The following PIK3R1 variants were observed in gnomAD, a reference collection of about 807,000 sequenced individuals.
PIK3R1 encodes phosphoinositide-3-kinase regulatory subunit 1.
In PIK3R1, 29 loss-of-function variants were observed where a neutral mutation model predicts 98.0. The observed-to-expected ratio is 0.30, with a 90% CI of 0.22 to 0.40. The LOEUF (loss-of-function observed/expected upper bound fraction) is 0.40. Ranked by LOEUF, PIK3R1 falls within the 10% of genes least tolerant of loss-of-function variation. PIK3R1 has a pLI of 1.00. For synonymous variants in PIK3R1, 282 were observed against 311.8 expected (o/e 0.90, Z 1.01); for missense variants, 596 against 872.7 (o/e 0.68, Z 3.99).
chr5:68,246,275 C>T (rs1036633350), intron 2 of PIK3R1, among the ~76,000 whole-genome samples: 1 of 151,880 alleles, frequency 6.6e-6, no homozygotes, highest in African/African-American at 2.4e-5. Flanking sequence ...ATCCCCTTCC[C>T]TGCAGAGTCT....
chr5:68,262,614 CACATGTAGA>C (rs1561278052), intron 2 of PIK3R1, among the ~76,000 whole-genome samples: 115 of 136,474 alleles, frequency 8.4e-4, no homozygotes, highest in African/African-American at 3.1e-3. Context: ...CACATGTATA[CACATGTAGA>C]TGCATGTATA....
intron 2 of PIK3R1, among the ~76,000 whole-genome samples, chr5:68,253,260 C>T (rs1159645317): frequency 6.6e-6 from 1 of 152,094 alleles, no homozygotes; most frequent in Non-Finnish European, 1.5e-5. Flanking sequence ...TACCAATTTC[C>T]TAGCATGTTT....
chr5:68,237,679 C>T (rs1050642204), intron 2 of PIK3R1, among the ~76,000 whole-genome samples: 3 of 151,122 alleles, frequency 2.0e-5, no homozygotes, highest in East Asian at 1.9e-4. Context: ...TGAGAGTCTC[C>T]GAGAGAGCCT....
intron 2 of PIK3R1, among the ~76,000 whole-genome samples, chr5:68,264,728 C>G (rs1400395515): frequency 6.6e-6 from 1 of 152,172 alleles, no homozygotes; most frequent in Non-Finnish European, 1.5e-5. Flanking sequence ...AGGAAAGGCT[C>G]TGGCATGGGC....
intron 2 of PIK3R1, among the ~76,000 whole-genome samples, chr5:68,263,273 T>C (rs1185495695): frequency 6.8e-6 from 1 of 146,232 alleles, no homozygotes; most frequent in African/African-American, 2.5e-5. Flanking sequence ...TTAGTTCTGC[T>C]ATATCTATAG....
intron 2 of PIK3R1, among the ~76,000 whole-genome samples, chr5:68,235,739 G>T (rs576393412): frequency 5.3e-5 from 8 of 152,298 alleles, no homozygotes; most frequent in Non-Finnish European, 5.9e-5. Context: ...AATTTGGTTA[G>T]AGTATATCAA....
chr5:68,224,333 T>TA (rs529600466), intron 1 of PIK3R1, among the ~76,000 whole-genome samples: 294 of 152,348 alleles, frequency 1.9e-3, no homozygotes, highest in Non-Finnish European at 2.9e-3. Context: ...AAACAAATAA[T>TA]ATAGCTTATT....
chr5:68,292,686 G>A (rs2112247743), intron 8 of PIK3R1: 1 of 1,284,616 alleles, frequency 7.8e-7, no homozygotes, highest in African/African-American at 1.5e-5. Context: ...AACACAATAA[G>A]AAAACAATGC....
intron 7 of PIK3R1, among the ~76,000 whole-genome samples, chr5:68,289,759 CAAAAAAAAAAAA>C (rs71305021): frequency 5.8e-5 from 3 of 51,882 alleles, no homozygotes; most frequent in East Asian, 6.6e-4. Context: ...GGGGGAAAAG[CAAAAAAAAAAAA>C]AAAAAAAAAA....
intron 7 of PIK3R1, among the ~76,000 whole-genome samples, chr5:68,287,893 T>G (rs1236986409): frequency 6.6e-6 from 1 of 152,192 alleles, no homozygotes; most frequent in Non-Finnish European, 1.5e-5. Flanking sequence ...GCCCTCCTAC[T>G]ACTTACTATT....
In PIK3R1 at chr5:68,287,454, T is replaced by C. The variant is rs543278123; in HGVS notation, c.917-4805T>C. 3.3e-5 allele frequency among the ~76,000 whole-genome samples: 5 copies of C among 152,318 alleles called. No homozygotes were observed. In the East Asian group the frequency reaches 9.6e-4, roughly 29 times the overall value. Reference sequence around the variant, plus strand: ...CTTCACCTCCCTGGGTCAGATTTCGTTTTCCCCTCTATGGCATGCAGGAAT... The same window carrying C: ...CTTCACCTCCCTGGGTCAGATTTCGCTTTCCCCTCTATGGCATGCAGGAAT... On this transcript the variant is annotated intron_variant, in intron 7 of 15. Coordinates refer to ENST00000521381, the MANE Select transcript of PIK3R1 (RefSeq NM_181523.3).
intron 14 of PIK3R1, 149 bp from the exon 15 acceptor site, chr5:68,296,022 G>T (rs755121017): frequency 1.5e-6 from 1 of 666,508 alleles, no homozygotes; most frequent in Non-Finnish European, 2.5e-6. Flanking sequence ...GAAAACTCAG[G>T]TCGGGCAGAG....
Position 68,233,833 on chromosome 5 carries a change from A to G in PIK3R1, c.334+6824A>G, listed in dbSNP as rs556439509. Among the ~76,000 whole-genome samples the G allele has an allele frequency of 9.2e-5, 14 of 152,324 alleles. No homozygotes were observed. In the South Asian group the frequency reaches 2.9e-3, roughly 32 times the overall value. On this transcript the variant is annotated intron_variant, in intron 2 of 15. Transcript: ENST00000521381. ...TGCAGAACTTTCTCCCAATGGCTTT[A>G]TACCACCTAAGGCATGGCTGTGATT...
At chr5:68,267,697 C>T (rs1018974855) in intron 2 of PIK3R1, among the ~76,000 whole-genome samples, 4 of 151,676 alleles carry the variant, frequency 2.6e-5, no homozygotes, top group Non-Finnish European at 5.9e-5. Flanking sequence ...TAATTTAGCA[C>T]ACAGTCATTC....
chr5:68,289,913 AAGC>A (rs1329418480), intron 7 of PIK3R1, among the ~76,000 whole-genome samples: 1 of 152,178 alleles, frequency 6.6e-6, no homozygotes, highest in African/African-American at 2.4e-5. Flanking sequence ...TTTTTGGAAG[AAGC>A]ATTTTCTTTG....
Position 68,250,087 on chromosome 5 carries a change from G to A in PIK3R1, c.334+23078G>A, listed in dbSNP as rs139142992. 1.7e-3 allele frequency among the ~76,000 whole-genome samples: 262 copies of A among 152,342 alleles called. 2 individuals are homozygous for A. Among genetic ancestry groups the A allele is most frequent in the South Asian group, 6.4e-3 (31 of 4,828 alleles). On this transcript the variant is annotated intron_variant, in intron 2 of 15. Transcript: ENST00000521381. ...AGCGAGCGTGCCACCCCAGCTGGGT[G>A]AGCGGCACACCTTGGGAACAGCTGG...
chr5:68,257,895 T>C (rs549840510), intron 2 of PIK3R1, among the ~76,000 whole-genome samples: 1 of 152,360 alleles, frequency 6.6e-6, no homozygotes, highest in South Asian at 2.1e-4. Flanking sequence ...TATCGTATAA[T>C]CTGAGTTTGG....
At chr5:68,288,415 C>T (rs1282937589) in intron 7 of PIK3R1, 1 of 1,221,922 alleles carries the variant, frequency 8.2e-7, no homozygotes, top group East Asian at 3.6e-5. Flanking sequence ...CTTTCCTCCC[C>T]GATACAGTAG....
At chr5:68,294,422 A>G (rs187360022) in intron 11 of PIK3R1, 114 bp from the exon 12 acceptor site, 61 of 644,542 alleles carry the variant, frequency 9.5e-5, no homozygotes, top group Admixed American at 5.5e-4. Context: ...AATGGATTTT[A>G]TGAATTTGAG....
Sources: allele counts gnomAD v4.1 joint callset (sites outside exome capture counted in the v4.1 genomes callset), GRCh38; gene constraint gnomAD v4.1.1; transcripts MANE v1.5; gene names NCBI Gene and HGNC (gene_info 2026-07-23, HGNC 2026-07-21).